Variants in ATG7 observed in about 807,000 individuals in gnomAD.
ATG7 encodes the protein autophagy related 7, also known as ubiquitin-like modifier-activating enzyme ATG7.
ATG7 carries 70 observed loss-of-function variants against 82.4 expected under a neutral mutation model. That is an observed-to-expected ratio of 0.85 (90% CI 0.70 to 1.04). The LOEUF is 1.04. ATG7 is among the 50% of genes least tolerant of loss of function. The probability of loss-of-function intolerance (pLI) is 0.00; values close to 1 mark genes in which losing one functional copy is unlikely to be tolerated. For missense variants in ATG7, 792 were observed against 864.3 expected, an observed-to-expected ratio of 0.92 and a Z score of 1.05; for synonymous variants, 287 against 313.0, an observed-to-expected ratio of 0.92 and a Z score of 0.88.
At chr3:11,448,276 C>T (rs913186706) in intron 20 of ATG7, among the ~76,000 whole-genome samples, 11 of 152,214 alleles carry the variant, frequency 7.2e-5, no homozygotes. Flanking sequence ...ACACAGAAGC[C>T]TCATTCTAGG....
chr3:11,573,279 GA>G, the ATG7 span, among the ~76,000 whole-genome samples: 1 of 15,484 alleles, frequency 6.5e-5, no homozygotes, highest in Non-Finnish European at 1.3e-4. Flanking sequence ...AAGAAAGAAA[GA>G]AAGAAAGAAA....
At chr3:11,515,281 C>CA (rs1393471880) in intron 20 of ATG7, among the ~76,000 whole-genome samples, 1 of 127,786 alleles carries the variant, frequency 7.8e-6, no homozygotes, top group African/African-American at 2.9e-5. Flanking sequence ...TGTTTCTACT[C>CA]ACTGTGTCTC....
Position 11,506,408 on chromosome 3 carries a change from C to T in ATG7, c.2080-48403C>T, listed in dbSNP as rs534324267. Among the ~76,000 whole-genome samples, 21 of 152,174 alleles carry T rather than the reference C, an allele frequency of 1.4e-4. 1 individual carries two copies. Among genetic ancestry groups the T allele is most frequent in the African/African-American group, 4.6e-4 (19 of 41,520 alleles). ...GGCTAGAGGTTACTGTATTGGACAG[C>T]ACAGATAAAACATTTCCATCATTGG... On this transcript the variant is annotated intron_variant, in intron 20 of 20. Transcript: ENST00000693202.
At chr3:11,402,026 T>A (rs1242266816) in intron 19 of ATG7, among the ~76,000 whole-genome samples, 1 of 152,182 alleles carries the variant, frequency 6.6e-6, no homozygotes, top group East Asian at 1.9e-4. Flanking sequence ...GGTGGGTTTT[T>A]TTTCACATGT....
intron 20 of ATG7, among the ~76,000 whole-genome samples, chr3:11,435,575 C>G (rs1311150625): frequency 6.6e-6 from 1 of 152,106 alleles, no homozygotes; most frequent in African/African-American, 2.4e-5. Context: ...TATGAGTAAC[C>G]CGAATCCTGG....
At chr3:11,322,339 A>G (rs1950322116) in intron 9 of ATG7, among the ~76,000 whole-genome samples, 3 of 152,356 alleles carry the variant, frequency 2.0e-5, no homozygotes, top group Middle Eastern at 6.8e-3. Flanking sequence ...CACCACCTGC[A>G]GTTTGAAAAA....
Position 11,541,192 on chromosome 3 carries a change from G to A in ATG7, c.2080-13619G>A, listed in dbSNP as rs187152613. On this transcript the variant is annotated intron_variant, in intron 20 of 20. Transcript: ENST00000693202. Reference sequence around the variant, plus strand: ...TGGGATTACAGGCGTGAGCCATCGCGCCCGGCTGGTTTTAGCTTTTACATA... The same window carrying A: ...TGGGATTACAGGCGTGAGCCATCGCACCCGGCTGGTTTTAGCTTTTACATA... Among the ~76,000 whole-genome samples the A allele has an allele frequency of 2.0e-4, 31 of 152,304 alleles. 1 individual carries two copies. The highest frequency in any genetic ancestry group is 6.5e-4 in the Admixed American group (10 of 15,302).
At chr3:11,538,190 A>C (rs2070486032) in intron 20 of ATG7, among the ~76,000 whole-genome samples, 1 of 152,096 alleles carries the variant, frequency 6.6e-6, no homozygotes, top group Non-Finnish European at 1.5e-5. Flanking sequence ...TTTTGTGGGG[A>C]CTGGGAATAA....
chr3:11,425,459 T>C (rs1230625166), intron 19 of ATG7, among the ~76,000 whole-genome samples: 1 of 152,248 alleles, frequency 6.6e-6, no homozygotes, highest in African/African-American at 2.4e-5. Context: ...CTTAGATATG[T>C]CTTCAATGTC....
chr3:11,315,608 G>T, intron 9 of ATG7, 115 bp downstream of exon 9: 1 of 954,168 alleles, frequency 1.0e-6, no homozygotes, highest in Non-Finnish European at 1.5e-6. Context: ...AGCCTTCAAA[G>T]GATGTTTAAG....
intron 20 of ATG7, among the ~76,000 whole-genome samples, chr3:11,474,961 G>A (rs908900603): frequency 6.6e-6 from 1 of 152,106 alleles, no homozygotes; most frequent in African/African-American, 2.4e-5. Flanking sequence ...CACGTGACAC[G>A]GGCTCTTGCA....
chr3:11,457,288 C>T (rs929208899), intron 20 of ATG7, among the ~76,000 whole-genome samples: 11 of 152,048 alleles, frequency 7.2e-5, no homozygotes, highest in African/African-American at 1.4e-4. Context: ...GTGGGACTGC[C>T]GGTAAATCAC....
chr3:11,495,150 G>A (rs1476001130), intron 20 of ATG7, among the ~76,000 whole-genome samples: 1 of 152,132 alleles, frequency 6.6e-6, no homozygotes, highest in Non-Finnish European at 1.5e-5. Context: ...CTGCTTATGT[G>A]CTCATGTAAT....
At chr3:11,509,786 G>A (rs1357967956) in intron 20 of ATG7, among the ~76,000 whole-genome samples, 3 of 152,170 alleles carry the variant, frequency 2.0e-5, no homozygotes, top group Admixed American at 6.5e-5. Flanking sequence ...TAAATGTACC[G>A]TTTGGTGCCA....
chr3:11,549,421 A>G (rs2071574307), intron 20 of ATG7, among the ~76,000 whole-genome samples: 1 of 152,188 alleles, frequency 6.6e-6, no homozygotes, highest in Admixed American at 6.5e-5. Context: ...GATTAACAGT[A>G]GTCCTGTGCT....
chr3:11,412,732 A>G (rs1323509575), intron 19 of ATG7, among the ~76,000 whole-genome samples: 2 of 152,092 alleles, frequency 1.3e-5, no homozygotes, highest in African/African-American at 2.4e-5. Flanking sequence ...ACACCGTTGG[A>G]TTTGTATAGA....
chr3:11,506,098 T>C (rs1021290719), intron 20 of ATG7, among the ~76,000 whole-genome samples: 4 of 152,190 alleles, frequency 2.6e-5, no homozygotes, highest in African/African-American at 4.8e-5. Flanking sequence ...ATTTTTTGAG[T>C]TGGTCTCTCT....
At position 11,272,400 on chromosome 3, in the gene ATG7, G is replaced by T. The variant is rs1220180524; in HGVS notation, c.-396G>T. 6.6e-6 allele frequency: 1 copy of T among 152,516 alleles called. No homozygotes were observed. Among genetic ancestry groups the T allele is most frequent in the African/African-American group, 2.4e-5 (1 of 41,492 alleles). 9.4% of individuals were successfully genotyped at this position (152,516 alleles called of 1,614,324 possible). ...GCGTCATCGGGGCGCGCGCCTCAGAGAGAGCTGTGGTTGCCGGAAGTTGAG... is the reference window on the plus strand; with the variant it reads ...GCGTCATCGGGGCGCGCGCCTCAGATAGAGCTGTGGTTGCCGGAAGTTGAG... On this transcript the variant is annotated 5_prime_UTR_variant, in exon 1 of 21. Coordinates refer to ENST00000693202, the MANE Select transcript of ATG7 (RefSeq NM_001349232.2).
At chr3:11,299,232 C>A in intron 4 of ATG7, 130 bp from the exon 5 acceptor site, 1 of 823,492 alleles carries the variant, frequency 1.2e-6, no homozygotes, top group Non-Finnish European at 2.0e-6. Context: ...ATCTATGTAG[C>A]ATAGATAATC....
Sources: gnomAD v4.1 joint callset for allele counts (sites outside exome capture counted in the v4.1 genomes callset) on GRCh38, gnomAD v4.1.1 for gene constraint, MANE v1.5 for transcripts, NCBI Gene and HGNC (gene_info 2026-07-23, HGNC 2026-07-21) for gene names.